NRXN1: variants seen among roughly 807,000 people sequenced by gnomAD.
NRXN1 encodes neurexin 1, also known as neurexin-1.
NRXN1 carries 39 observed loss-of-function variants against 150.9 expected under a neutral mutation model. The ratio of observed to expected loss-of-function variants is 0.26; its 90% CI spans 0.20 to 0.34. The LOEUF is 0.34. Ranked by LOEUF, NRXN1 falls within the 10% of genes least tolerant of loss-of-function variation. NRXN1 has a pLI of 1.00. For missense variants in NRXN1, 1,815 were observed against 1,949.9 expected (o/e 0.93, Z 1.30); for synonymous variants, 924 against 757.0 (o/e 1.22, Z -3.62).
intron 2 of NRXN1, among the ~76,000 whole-genome samples, chr2:50,935,489 C>T (rs1688396082): frequency 6.6e-6 from 1 of 152,138 alleles, no homozygotes; most frequent in Non-Finnish European, 1.5e-5. Flanking sequence ...AATCTCAGCA[C>T]TTCGGGAGGC....
chr2:50,468,229 C>T (rs1006657517), intron 16 of NRXN1, among the ~76,000 whole-genome samples: 2 of 151,498 alleles, frequency 1.3e-5, no homozygotes, highest in Non-Finnish European at 3.0e-5. Flanking sequence ...AGAAACAATG[C>T]TAAACTCTAA....
Position 50,461,551 on chromosome 2 carries a change from A to G in NRXN1, c.3364+3891T>C, listed in dbSNP as rs2088215863. Reference sequence around the variant, plus strand: ...TAAAAGGAGAAAAGGATTATTGTGTAGCACACTGGTGTGATGATGGTGGAC... The same window carrying G: ...TAAAAGGAGAAAAGGATTATTGTGTGGCACACTGGTGTGATGATGGTGGAC... On this transcript the variant is annotated intron_variant, in intron 17 of 22. Coordinates refer to ENST00000401669, the MANE Select transcript of NRXN1 (RefSeq NM_001330078.2). Among the ~76,000 whole-genome samples the G allele has an allele frequency of 2.0e-5, 3 of 152,176 alleles. No homozygotes were observed. The East Asian group carries it at 5.8e-4, about 29-fold the overall frequency.
chr2:50,934,997 A>C (rs960079175), intron 2 of NRXN1, among the ~76,000 whole-genome samples: 1 of 152,188 alleles, frequency 6.6e-6, no homozygotes, highest in African/African-American at 2.4e-5. Flanking sequence ...CTAGTAATCT[A>C]ATATCGTCTT....
intron 21 of NRXN1, among the ~76,000 whole-genome samples, chr2:50,040,391 C>A (rs1314319629): frequency 1.3e-5 from 2 of 150,980 alleles, no homozygotes; most frequent in East Asian, 3.9e-4. Flanking sequence ...TATACACATA[C>A]AGACATAATT....
At chr2:50,829,493 G>C (rs550328487) in intron 5 of NRXN1, 1 of 1,591,276 alleles carries the variant, frequency 6.3e-7, no homozygotes, top group Non-Finnish European at 8.6e-7. Flanking sequence ...TAATGAGAAA[G>C]GCGCGAATCA....
intron 21 of NRXN1, chr2:50,019,245 T>G (rs1256568112): frequency 2.1e-6 from 1 of 471,556 alleles, no homozygotes; most frequent in East Asian, 7.0e-5. Context: ...ACTTGTTTTC[T>G]TATTTGGGTT....
intron 5 of NRXN1, among the ~76,000 whole-genome samples, chr2:50,721,701 T>C (rs1477299264): frequency 1.3e-5 from 2 of 152,202 alleles, no homozygotes; most frequent in African/African-American, 4.8e-5. Flanking sequence ...TGCTATTTAC[T>C]GGACCTTGTG....
intron 5 of NRXN1, among the ~76,000 whole-genome samples, chr2:50,633,414 G>A (rs1682697340): frequency 6.6e-6 from 1 of 152,114 alleles, no homozygotes; most frequent in Non-Finnish European, 1.5e-5. Flanking sequence ...TATGTGATAA[G>A]TGTAATGAGA....
intron 5 of NRXN1, among the ~76,000 whole-genome samples, chr2:50,881,017 T>G (rs1369770653): frequency 6.6e-6 from 1 of 151,930 alleles, no homozygotes; most frequent in Non-Finnish European, 1.5e-5. Flanking sequence ...TGGCAGCTAA[T>G]TTTAGATTAT....
At chr2:50,222,416 G>A (rs2063968054) in intron 18 of NRXN1, among the ~76,000 whole-genome samples, 1 of 151,960 alleles carries the variant, frequency 6.6e-6, no homozygotes, top group South Asian at 2.1e-4. Flanking sequence ...GCTTTTATAT[G>A]AAAACACTCC....
chr2:50,333,444 A>G (rs957188689), intron 17 of NRXN1, among the ~76,000 whole-genome samples: 4 of 152,112 alleles, frequency 2.6e-5, no homozygotes, highest in Non-Finnish European at 4.4e-5. Flanking sequence ...TGAACCAAAC[A>G]TCTCCCCAAT....
At chr2:50,099,032 G>T (rs1412581921) in intron 18 of NRXN1, among the ~76,000 whole-genome samples, 1 of 151,988 alleles carries the variant, frequency 6.6e-6, no homozygotes, top group African/African-American at 2.4e-5. Flanking sequence ...ATTAAGGATA[G>T]TGTATCTTTT....
At chr2:50,982,552 A>G (rs1360495792) in intron 2 of NRXN1, among the ~76,000 whole-genome samples, 1 of 152,096 alleles carries the variant, frequency 6.6e-6, no homozygotes, top group Non-Finnish European at 1.5e-5. Context: ...ATAGGGAGTA[A>G]TGAACAATGA....
chr2:50,455,432 T>C (rs1349399891), intron 17 of NRXN1, among the ~76,000 whole-genome samples: 2 of 152,138 alleles, frequency 1.3e-5, no homozygotes, highest in African/African-American at 4.8e-5. Context: ...TCAATTTTAG[T>C]TTAATGAGAT....
At chr2:50,111,948 A>C (rs905003225) in intron 18 of NRXN1, among the ~76,000 whole-genome samples, 1 of 152,178 alleles carries the variant, frequency 6.6e-6, no homozygotes, top group Non-Finnish European at 1.5e-5. Flanking sequence ...AAACCGTAAG[A>C]TATAAAATGG....
intron 5 of NRXN1, among the ~76,000 whole-genome samples, chr2:50,627,600 C>A (rs1681381422): frequency 8.0e-6 from 1 of 124,960 alleles, no homozygotes; most frequent in Non-Finnish European, 1.7e-5. Context: ...TCTATGAAAG[C>A]TTTTGTCAGA....
intron 18 of NRXN1, among the ~76,000 whole-genome samples, chr2:50,124,804 T>C (rs900382695): frequency 6.6e-6 from 1 of 152,200 alleles, no homozygotes; most frequent in African/African-American, 2.4e-5. Flanking sequence ...ATGTTTAAAA[T>C]ATATCTTTTC....
At chr2:50,541,663 A>C (rs940569481) in intron 9 of NRXN1, among the ~76,000 whole-genome samples, 1 of 151,956 alleles carries the variant, frequency 6.6e-6, no homozygotes, top group Non-Finnish European at 1.5e-5. Context: ...CACAATTTTC[A>C]AATATCCCAG....
intron 8 of NRXN1, among the ~76,000 whole-genome samples, chr2:50,563,221 C>A (rs183160336): frequency 1.1e-3 from 161 of 152,238 alleles, no homozygotes; most frequent in African/African-American, 3.8e-3. Context: ...TAGAATAGCC[C>A]AAGGAAATTA....
Sources: allele counts gnomAD v4.1 joint callset (sites outside exome capture counted in the v4.1 genomes callset), GRCh38; gene constraint gnomAD v4.1.1; transcripts MANE v1.5; gene names NCBI Gene and HGNC (gene_info 2026-07-23, HGNC 2026-07-21).